AOAH: variants seen among roughly 807,000 people sequenced by gnomAD.
The protein encoded by AOAH is acyloxyacyl hydrolase.
In AOAH, 64 loss-of-function variants were observed where a neutral mutation model predicts 92.2. That is an observed-to-expected ratio of 0.69 (90% CI 0.57 to 0.86). AOAH has a LOEUF of 0.86. Ranked by LOEUF, AOAH falls within the 40% of genes least tolerant of loss-of-function variation. The pLI is 0.00. For missense variants in AOAH, 656 were observed against 694.6 expected (o/e 0.94, Z 0.62); for synonymous variants, 263 against 254.5 (o/e 1.03, Z -0.32).
chr7:36,696,590 A>G (rs1031888423), intron 1 of AOAH, among the ~76,000 whole-genome samples: 1 of 152,184 alleles, frequency 6.6e-6, no homozygotes, highest in African/African-American at 2.4e-5. Flanking sequence ...AGCCAGGCGC[A>G]TTGGCTCACG....
chr7:36,682,212 C>T (rs1404958456), intron 2 of AOAH, among the ~76,000 whole-genome samples: 1 of 152,234 alleles, frequency 6.6e-6, no homozygotes, highest in African/African-American at 2.4e-5. Context: ...AAGGCCCACA[C>T]TGAGGAGTAA....
At chr7:36,681,888 CA>C (rs566613526) in intron 2 of AOAH, among the ~76,000 whole-genome samples, 105 of 152,276 alleles carry the variant, frequency 6.9e-4, no homozygotes, top group African/African-American at 2.5e-3. Flanking sequence ...TAGGTATATC[CA>C]TGAACCCCAA....
At chr7:36,723,261 T>TC (rs1799764484) in intron 1 of AOAH, among the ~76,000 whole-genome samples, 1 of 152,122 alleles carries the variant, frequency 6.6e-6, no homozygotes, top group Non-Finnish European at 1.5e-5. Context: ...ATGCCACCAC[T>TC]ATTATGAGAA....
At chr7:36,627,409 C>T (rs1351658269) in intron 6 of AOAH, among the ~76,000 whole-genome samples, 1 of 152,162 alleles carries the variant, frequency 6.6e-6, no homozygotes, top group African/African-American at 2.4e-5. Flanking sequence ...ATTAGATTCT[C>T]TGGGTTTGAA....
At chr7:36,582,127 C>T (rs1265267125) in intron 12 of AOAH, among the ~76,000 whole-genome samples, 8 of 152,162 alleles carry the variant, frequency 5.3e-5, no homozygotes, top group Non-Finnish European at 1.5e-5. Context: ...ATGATTCTGG[C>T]CTCAAATCCT....
intron 11 of AOAH, among the ~76,000 whole-genome samples, chr7:36,607,064 G>T (rs1478085804): frequency 6.6e-6 from 1 of 152,154 alleles, no homozygotes; most frequent in Non-Finnish European, 1.5e-5. Flanking sequence ...CTGTAAACAG[G>T]ACTCCCGGGT....
intron 9 of AOAH, among the ~76,000 whole-genome samples, chr7:36,619,731 T>C (rs1435571122): frequency 1.3e-5 from 2 of 152,214 alleles, no homozygotes; most frequent in Non-Finnish European, 2.9e-5. Context: ...GGTGCAAGCC[T>C]GGACTATGAG....
At chr7:36,708,103 T>C (rs1798541277) in intron 1 of AOAH, among the ~76,000 whole-genome samples, 1 of 152,066 alleles carries the variant, frequency 6.6e-6, no homozygotes, top group Admixed American at 6.6e-5. Flanking sequence ...TTTTCTTCAT[T>C]TTTAAAAAGC....
chr7:36,620,630 A>T (rs1792210432), intron 9 of AOAH, 151 bp downstream of exon 9: 1 of 667,230 alleles, frequency 1.5e-6, no homozygotes, highest in Admixed American at 2.9e-5. Flanking sequence ...ATGCATCATC[A>T]GGATTCTATA....
chr7:36,594,893 T>G (rs1004889314), intron 11 of AOAH, among the ~76,000 whole-genome samples: 1 of 152,156 alleles, frequency 6.6e-6, no homozygotes, highest in Non-Finnish European at 1.5e-5. Flanking sequence ...CTGACCTTCT[T>G]GGGGGTCTCA....
intron 9 of AOAH, among the ~76,000 whole-genome samples, chr7:36,619,673 C>T (rs1033394001): frequency 5.9e-5 from 9 of 152,156 alleles, no homozygotes; most frequent in Non-Finnish European, 1.0e-4. Flanking sequence ...TCATGCTTTC[C>T]ATATCCTAGA....
At chr7:36,685,692 A>G (rs1192827944) in intron 2 of AOAH, among the ~76,000 whole-genome samples, 1 of 152,216 alleles carries the variant, frequency 6.6e-6, no homozygotes, top group Admixed American at 6.5e-5. Context: ...TGGAACTGGA[A>G]GAAGGGAAAG....
chr7:36,597,325 T>A (rs959250203), intron 11 of AOAH, among the ~76,000 whole-genome samples: 1 of 152,192 alleles, frequency 6.6e-6, no homozygotes, highest in Non-Finnish European at 1.5e-5. Flanking sequence ...TCAGCTATTA[T>A]CTGTTTGAGT....
chr7:36,576,751 G>C (rs1788531460), intron 12 of AOAH, 95 bp from the exon 13 acceptor site: 2 of 588,958 alleles, frequency 3.4e-6, no homozygotes, highest in Admixed American at 3.2e-5. Context: ...AAAAAAATAT[G>C]GTTAAAATGA....
intron 16 of AOAH, among the ~76,000 whole-genome samples, chr7:36,538,773 T>C (rs2116158881): frequency 6.6e-6 from 1 of 152,328 alleles, no homozygotes; most frequent in South Asian, 2.1e-4. Flanking sequence ...ATCATGTTAT[T>C]TCTAAGGCGG....
chr7:36,560,291 A>C (rs569160402), intron 13 of AOAH, among the ~76,000 whole-genome samples: 2 of 152,298 alleles, frequency 1.3e-5, no homozygotes, highest in African/African-American at 4.8e-5. Flanking sequence ...TAGCTTGATA[A>C]AAATAGCACT....
At chr7:36,612,427 AT>A (rs1451574838) in intron 11 of AOAH, among the ~76,000 whole-genome samples, 1 of 152,212 alleles carries the variant, frequency 6.6e-6, no homozygotes, top group Non-Finnish European at 1.5e-5. Context: ...CAAATATAGT[AT>A]ATTTTTACAT....
chr7:36,592,958 T>G (rs563730252), intron 12 of AOAH, among the ~76,000 whole-genome samples: 2 of 152,346 alleles, frequency 1.3e-5, no homozygotes, highest in East Asian at 3.9e-4. Flanking sequence ...GGCAGATTAT[T>G]TCTATGTAAA....
chr7:36,626,613 A>T (rs1346973394), intron 6 of AOAH, among the ~76,000 whole-genome samples: 2 of 152,246 alleles, frequency 1.3e-5, no homozygotes, highest in African/African-American at 2.4e-5. Flanking sequence ...AAGCTTTATC[A>T]TACTTAGTGT....
Sources: allele counts gnomAD v4.1 joint callset (sites outside exome capture counted in the v4.1 genomes callset), GRCh38; gene constraint gnomAD v4.1.1; transcripts MANE v1.5; gene names NCBI Gene and HGNC (gene_info 2026-07-23, HGNC 2026-07-21).